Variants in DPP6 observed in about 807,000 individuals in gnomAD.
DPP6 encodes the protein dipeptidyl peptidase like 6.
DPP6 carries 69 observed loss-of-function variants against 122.6 expected under a neutral mutation model. The observed-to-expected ratio is 0.56, with a 90% CI of 0.46 to 0.69. The LOEUF (loss-of-function observed/expected upper bound fraction) is 0.69, where lower values mean the gene tolerates loss of function less well. Among genes scored for constraint, DPP6 ranks in the 30% least tolerant of loss-of-function variants. DPP6 has a pLI of 0.00. For synonymous variants in DPP6, 418 were observed against 433.1 expected (o/e 0.97, Z 0.43); for missense variants, 928 against 1,116.9 (o/e 0.83, Z 2.41).
intron 1 of DPP6, among the ~76,000 whole-genome samples, chr7:154,319,244 CTT>C (rs11308350): frequency 6.6e-6 from 1 of 152,026 alleles, no homozygotes; most frequent in South Asian, 2.1e-4. Context: ...TGAAATAAAA[CTT>C]TTTTTGTCTT....
intron 10 of DPP6, among the ~76,000 whole-genome samples, chr7:154,777,378 A>G (rs1043816937): frequency 6.6e-6 from 1 of 152,202 alleles, no homozygotes; most frequent in Non-Finnish European, 1.5e-5. Context: ...AAGAGAACTA[A>G]GAGCGGTGGG....
At chr7:154,703,439 C>A (rs1401549824) in intron 7 of DPP6, among the ~76,000 whole-genome samples, 1 of 151,826 alleles carries the variant, frequency 6.6e-6, no homozygotes, top group East Asian at 1.9e-4. Context: ...GCCAACATGG[C>A]AAAACCCCAT....
chr7:154,399,976 G>C (rs145217406), intron 1 of DPP6, among the ~76,000 whole-genome samples: 243 of 152,326 alleles, frequency 1.6e-3, no homozygotes, highest in African/African-American at 5.5e-3. Context: ...GAGAAGTCTA[G>C]GTGTGTTGGG....
At chr7:154,002,825 G>T (rs1339644927) in intron 1 of DPP6, among the ~76,000 whole-genome samples, 1 of 152,170 alleles carries the variant, frequency 6.6e-6, no homozygotes. Flanking sequence ...GAGCATATGA[G>T]GGTGGATTTG....
At chr7:154,810,976 T>G (rs2150475160) in intron 16 of DPP6, among the ~76,000 whole-genome samples, 1 of 152,360 alleles carries the variant, frequency 6.6e-6, no homozygotes, top group African/African-American at 2.4e-5. Context: ...ATTCAGAAAC[T>G]GAACTCTTAG....
chr7:154,181,288 C>T (rs1461327107), intron 1 of DPP6, among the ~76,000 whole-genome samples: 1 of 152,138 alleles, frequency 6.6e-6, no homozygotes, highest in African/African-American at 2.4e-5. Flanking sequence ...AACTGTCTTT[C>T]AGATAAGAGA....
intron 3 of DPP6, among the ~76,000 whole-genome samples, chr7:154,500,372 T>G (rs1825128096): frequency 1.3e-5 from 2 of 152,174 alleles, no homozygotes; most frequent in South Asian, 4.1e-4. Context: ...TTGGCACCAT[T>G]TCTATAAAAA....
intron 6 of DPP6, among the ~76,000 whole-genome samples, chr7:154,662,378 T>G (rs34954125): frequency 1.4e-5 from 2 of 141,236 alleles, no homozygotes; most frequent in South Asian, 2.2e-4. Context: ...CATGGCGTAT[T>G]GGCCCTAGTG....
chr7:154,654,868 A>G (rs1837138625), intron 6 of DPP6, among the ~76,000 whole-genome samples: 3 of 152,200 alleles, frequency 2.0e-5, no homozygotes, highest in Admixed American at 1.3e-4. Flanking sequence ...TAACTGTGTC[A>G]TTTAGATATA....
chr7:153,887,715 A>T, exon 1 of DPP6: 1 of 1,613,920 alleles, frequency 6.2e-7, no homozygotes. Context: ...AAGACCGCTA[A>T]GATGCAGGGG....
At chr7:154,214,786 T>G (rs941630174) in intron 1 of DPP6, among the ~76,000 whole-genome samples, 5 of 151,742 alleles carry the variant, frequency 3.3e-5, no homozygotes, top group Admixed American at 1.3e-4. Flanking sequence ...GGTGTGGGGG[T>G]GTGTGCCTAT....
At position 154,174,410 on chromosome 7, in the gene DPP6, G is replaced by C. The variant is rs76945213; in HGVS notation, c.243+121347G>C. ...ATGTTCAGTTCAGTAGTGTGAAGTA[G>C]ATCCACACAGCTGGAAACCAGATCT... On this transcript the variant is annotated intron_variant, in intron 1 of 25. Coordinates refer to ENST00000377770, the MANE Select transcript of DPP6 (RefSeq NM_130797.4). 4.6e-3 allele frequency among the ~76,000 whole-genome samples: 696 copies of C among 152,306 alleles called. 1 individual carries two copies. The highest frequency in any genetic ancestry group is 0.01 in the Middle Eastern group (3 of 294).
At chr7:153,846,985 C>T in the DPP6 span, among the ~76,000 whole-genome samples, 1 of 152,070 alleles carries the variant, frequency 6.6e-6, no homozygotes. Flanking sequence ...CCGTGCCTGG[C>T]TGGTTCTTTT....
At chr7:154,773,841 C>T (rs1205011223) in intron 10 of DPP6, among the ~76,000 whole-genome samples, 1 of 152,170 alleles carries the variant, frequency 6.6e-6, no homozygotes, top group African/African-American at 2.4e-5. Context: ...GGCCTCAGGT[C>T]TAGCTCGGGG....
intron 25 of DPP6, among the ~76,000 whole-genome samples, chr7:154,892,009 C>G (rs536527230): frequency 7.2e-5 from 11 of 152,314 alleles, no homozygotes; most frequent in African/African-American, 2.6e-4. Context: ...CCAATGTTTT[C>G]ACCCAGTTCC....
In DPP6 at chr7:154,803,252, C is replaced by T. The variant is rs577762234; in HGVS notation, c.1408-612C>T. ...CAAATCCCCACTGAAACATCGCTCC[C>T]GCCTAGATGGCCCTGTCTCTCTCTT... On this transcript the variant is annotated intron_variant, in intron 13 of 25. Transcript: ENST00000377770. 9.8e-5 allele frequency among the ~76,000 whole-genome samples: 15 copies of T among 152,330 alleles called. No individual in the cohort carries two copies. In the East Asian group the frequency reaches 2.3e-3, roughly 23 times the overall value.
chr7:154,692,315 A>T (rs1839975086), intron 7 of DPP6, among the ~76,000 whole-genome samples: 1 of 152,206 alleles, frequency 6.6e-6, no homozygotes, highest in Non-Finnish European at 1.5e-5. Context: ...TAAAATGAGG[A>T]AGATTAAGAT....
Position 154,806,997 on chromosome 7 carries a change from C to T in DPP6, c.1551C>T (p.Ala517=), listed in dbSNP as rs369411932. The change falls in exon 16 of 26, where the codon GCC becomes GCT. Residue 517 remains alanine, a synonymous_variant. Coordinates refer to ENST00000377770, the MANE Select transcript of DPP6 (RefSeq NM_130797.4). Reference sequence around the variant, plus strand: ...CCTGCGTCCTTTGCTCTTCCAGTGCCAACACGGTGGGCAACTTCAACAGGC... The same window carrying T: ...CCTGCGTCCTTTGCTCTTCCAGTGCTAACACGGTGGGCAACTTCAACAGGC... ...DLPRRRQLYS[A]NTVGNFNRQC... is the part of the protein sequence containing the mutation. 1.8e-5 allele frequency: 29 copies of T among 1,613,784 alleles called. No homozygotes were observed. In the South Asian group the frequency reaches 2.6e-4, roughly 15 times the overall value.
intron 1 of DPP6, among the ~76,000 whole-genome samples, chr7:154,303,399 A>C (rs1806040563): frequency 6.6e-6 from 1 of 152,030 alleles, no homozygotes; most frequent in Non-Finnish European, 1.5e-5. Context: ...TTGCTTGGTG[A>C]CCTTACACCG....
Sources: gnomAD v4.1 joint callset for allele counts (sites outside exome capture counted in the v4.1 genomes callset) on GRCh38, gnomAD v4.1.1 for gene constraint, MANE v1.5 for transcripts, NCBI Gene and HGNC (gene_info 2026-07-23, HGNC 2026-07-21) for gene names.